The following PKHD1 variants were observed in gnomAD, a reference collection of about 807,000 sequenced individuals.
The protein encoded by PKHD1 is PKHD1 ciliary IPT domain containing fibrocystin/polyductin.
A neutral mutation model predicts 412.0 loss-of-function variants in PKHD1; 291 were observed. The observed-to-expected ratio is 0.71, with a 90% CI of 0.64 to 0.78. The LOEUF is 0.78. PKHD1 is among the 30% of genes least tolerant of loss of function. The probability of loss-of-function intolerance (pLI) is 0.00; values close to 1 mark genes in which losing one functional copy is unlikely to be tolerated. For missense variants in PKHD1, 4,825 were observed against 4,950.7 expected (o/e 0.97, Z 0.76); for synonymous variants, 1,777 against 1,821.5 (o/e 0.98, Z 0.62).
chr6:51,671,732 G>T (rs1775022649), intron 60 of PKHD1, among the ~76,000 whole-genome samples: 1 of 152,076 alleles, frequency 6.6e-6, no homozygotes, highest in South Asian at 2.1e-4. Context: ...TTTTGGTGTG[G>T]ATGTCCTTTC....
Position 51,673,464 on chromosome 6 carries a change from A to T in PKHD1, c.10157-13495T>A, listed in dbSNP as rs183837671. ...TACCAAATTGAAGTTATGGTGGCCG[A>T]CTCACTTGCTATAGCAAGTTCAGAT... On this transcript the variant is annotated intron_variant, in intron 60 of 66. Transcript: ENST00000371117. 1.4e-3 allele frequency among the ~76,000 whole-genome samples: 213 copies of T among 152,194 alleles called. 1 individual carries two copies. Among genetic ancestry groups the T allele is most frequent in the Admixed American group, 0.013 (194 of 15,290 alleles).
intron 63 of PKHD1, among the ~76,000 whole-genome samples, chr6:51,645,952 T>C (rs1307726449): frequency 1.3e-5 from 2 of 152,210 alleles, no homozygotes; most frequent in Non-Finnish European, 2.9e-5. Context: ...TTTCTGAGGA[T>C]ATTTTCCATC....
intron 37 of PKHD1, among the ~76,000 whole-genome samples, 170 bp from the exon 38 acceptor site, chr6:51,912,746 T>C (rs1468937080): frequency 2.6e-5 from 4 of 152,110 alleles, no homozygotes; most frequent in Non-Finnish European, 5.9e-5. Context: ...ATTAGTTTTG[T>C]TTTATTTTGT....
At chr6:51,955,228 G>A (rs1288876568) in intron 36 of PKHD1, among the ~76,000 whole-genome samples, 2 of 151,908 alleles carry the variant, frequency 1.3e-5, no homozygotes, top group Non-Finnish European at 2.9e-5. Context: ...GGGAGGGCAG[G>A]AAGGAGGGAA....
At chr6:51,663,230 C>T (rs1773151234) in intron 60 of PKHD1, among the ~76,000 whole-genome samples, 1 of 152,046 alleles carries the variant, frequency 6.6e-6, no homozygotes, top group Non-Finnish European at 1.5e-5. Context: ...AGCTCACTCT[C>T]CTTTTTACAC....
chr6:51,757,752 C>A (rs900488487), intron 55 of PKHD1, among the ~76,000 whole-genome samples: 5 of 151,918 alleles, frequency 3.3e-5, no homozygotes, highest in African/African-American at 1.2e-4. Context: ...CTTATAATCC[C>A]AGTACTTTGG....
At chr6:51,622,815 A>T (rs770827379) in intron 66 of PKHD1, 1 of 152,282 alleles carries the variant, frequency 6.6e-6, no homozygotes, top group African/African-American at 2.4e-5. Flanking sequence ...ATTTTATAAA[A>T]TGTGAATCGA....
chr6:51,911,622 AGAG>A (rs554364919), intron 39 of PKHD1, among the ~76,000 whole-genome samples, 174 bp downstream of exon 39: 90 of 152,238 alleles, frequency 5.9e-4, no homozygotes, highest in African/African-American at 2.1e-3. Flanking sequence ...AGTGGGGCAG[AGAG>A]GAGGATGAAA....
chr6:52,014,703 TGG>T (rs1800269309), intron 34 of PKHD1, among the ~76,000 whole-genome samples: 1 of 4,854 alleles, frequency 2.1e-4, no homozygotes, highest in Admixed American at 4.2e-3. Context: ...ACTGGATAGA[TGG>T]ATGGATGGAT....
chr6:51,962,347 G>T (rs1792179411), intron 35 of PKHD1, among the ~76,000 whole-genome samples: 1 of 152,054 alleles, frequency 6.6e-6, no homozygotes, highest in South Asian at 2.1e-4. Context: ...ACTATTTCAT[G>T]GTGTTATCCA....
chr6:51,641,583 C>A (rs1360324036), intron 63 of PKHD1, among the ~76,000 whole-genome samples: 1 of 152,106 alleles, frequency 6.6e-6, no homozygotes, highest in Admixed American at 6.5e-5. Flanking sequence ...ACTATAAAGA[C>A]ACATGCACAT....
At chr6:52,046,719 C>T (rs1429860135) in intron 23 of PKHD1, among the ~76,000 whole-genome samples, 2 of 152,222 alleles carry the variant, frequency 1.3e-5, no homozygotes, top group African/African-American at 4.8e-5. Flanking sequence ...CCTGCTTCCC[C>T]ATTCCATGTC....
chr6:51,949,634 G>A (rs760534556), intron 36 of PKHD1, among the ~76,000 whole-genome samples: 9 of 152,122 alleles, frequency 5.9e-5, no homozygotes, highest in African/African-American at 1.7e-4. Context: ...CCAGAGAGGC[G>A]GAAAATCAAT....
chr6:51,984,010 T>G (rs1795914578), intron 35 of PKHD1, among the ~76,000 whole-genome samples: 1 of 152,232 alleles, frequency 6.6e-6, no homozygotes, highest in African/African-American at 2.4e-5. Flanking sequence ...AGCAGGAGAA[T>G]GTTAATGAAG....
chr6:51,690,150 T>C (rs926135118), intron 60 of PKHD1, among the ~76,000 whole-genome samples: 1 of 151,672 alleles, frequency 6.6e-6, no homozygotes, highest in Admixed American at 6.6e-5. Flanking sequence ...CATGCACCTG[T>C]AGACCCAGCT....
intron 53 of PKHD1, among the ~76,000 whole-genome samples, chr6:51,779,832 C>T (rs1017998586): frequency 6.6e-6 from 1 of 151,348 alleles, no homozygotes; most frequent in African/African-American, 2.4e-5. Context: ...TTGAATAATG[C>T]AATTTGCATA....
rs993284509 is a variant in PKHD1 at position 51,616,537 on chromosome 6, T to G, written c.*2544A>C. 4.6e-5 allele frequency: 18 copies of G among 393,378 alleles called. No individual in the cohort carries two copies. The highest frequency in any genetic ancestry group is 3.1e-4 in the African/African-American group (15 of 48,444). 24.4% of individuals were successfully genotyped at this position (393,378 alleles called of 1,614,324 possible). A position where few individuals can be genotyped will look rare whatever the true frequency, so the allele number is the denominator to read the frequency against. On this transcript the variant is annotated 3_prime_UTR_variant, in exon 67 of 67. Coordinates refer to ENST00000371117, the MANE Select transcript of PKHD1 (RefSeq NM_138694.4). ...TTCCCTAATTCTCTCATTTTTTTTT[T>G]TTTTTAGGAGAAAGAGGAGTAGCTT...
At chr6:51,841,842 A>G (rs1211556086) in intron 50 of PKHD1, among the ~76,000 whole-genome samples, 1 of 152,222 alleles carries the variant, frequency 6.6e-6, no homozygotes, top group East Asian at 1.9e-4. Context: ...GATTTATGCA[A>G]GCAGCCTGCT....
At chr6:51,897,030 C>T (rs1225065640) in intron 43 of PKHD1, among the ~76,000 whole-genome samples, 33 of 150,746 alleles carry the variant, frequency 2.2e-4, no homozygotes, top group Non-Finnish European at 1.2e-4. Context: ...ACCAAATCTA[C>T]GTCTGATTGG....
Sources: allele counts gnomAD v4.1 joint callset (sites outside exome capture counted in the v4.1 genomes callset), GRCh38; gene constraint gnomAD v4.1.1; transcripts MANE v1.5; gene names NCBI Gene and HGNC (gene_info 2026-07-23, HGNC 2026-07-21).